FLI1: variants seen among roughly 807,000 people sequenced by gnomAD.
The protein encoded by FLI1 is Fli-1 proto-oncogene, ETS transcription factor.
A neutral mutation model predicts 53.1 loss-of-function variants in FLI1; 13 were observed. The ratio of observed to expected loss-of-function variants is 0.24; its 90% CI spans 0.16 to 0.39. The LOEUF is 0.39. Among genes scored for constraint, FLI1 ranks in the 10% least tolerant of loss-of-function variants. The pLI, the probability that FLI1 is intolerant of heterozygous loss-of-function variation, is 1.00. For missense variants in FLI1, 424 were observed against 600.5 expected (o/e 0.71, Z 3.07); for synonymous variants, 244 against 236.7 (o/e 1.03, Z -0.28).
intron 1 of FLI1, among the ~76,000 whole-genome samples, chr11:128,738,385 A>G (rs1456323516): frequency 6.6e-6 from 1 of 152,166 alleles, no homozygotes; most frequent in Non-Finnish European, 1.5e-5. Context: ...CCTTTCTCTC[A>G]TTACTCAAAT....
At chr11:128,784,220 TCTCCTC>T (rs61050928) in intron 5 of FLI1, among the ~76,000 whole-genome samples, 15,077 of 117,618 alleles carry the variant, frequency 0.13, 1,402 homozygotes, top group Non-Finnish European at 0.18. Context: ...TTGCTAACCA[TCTCCTC>T]CTCCTCCTCC....
intron 1 of FLI1, among the ~76,000 whole-genome samples, chr11:128,705,448 G>A (rs532019): frequency 0.4 from 60,893 of 152,002 alleles, 12,333 homozygotes; most frequent in Admixed American, 0.43. Flanking sequence ...TTGTACCTTC[G>A]TTCTTTCTTC....
chr11:128,729,602 C>G (rs1939615323), intron 1 of FLI1, among the ~76,000 whole-genome samples: 1 of 152,210 alleles, frequency 6.6e-6, no homozygotes, highest in Admixed American at 6.5e-5. Flanking sequence ...ACTCAGGACT[C>G]AGGACAACTG....
At chr11:128,720,736 G>A (rs1027996140) in intron 1 of FLI1, among the ~76,000 whole-genome samples, 4 of 152,200 alleles carry the variant, frequency 2.6e-5, no homozygotes, top group Admixed American at 2.0e-4. Flanking sequence ...CTTTTCTTCC[G>A]TTGTCAGACT....
intron 1 of FLI1, among the ~76,000 whole-genome samples, chr11:128,713,492 T>C (rs1938873769): frequency 6.6e-6 from 1 of 152,286 alleles, no homozygotes; most frequent in Middle Eastern, 3.4e-3. Flanking sequence ...CCATTTGTCC[T>C]CAAGTCCTCA....
intron 1 of FLI1, among the ~76,000 whole-genome samples, chr11:128,733,834 T>G (rs971546595): frequency 2.6e-5 from 4 of 152,192 alleles, no homozygotes; most frequent in African/African-American, 9.7e-5. Flanking sequence ...GAGAGGCACA[T>G]GTTGATGCAT....
intron 5 of FLI1, among the ~76,000 whole-genome samples, chr11:128,788,400 C>G (rs571059750): frequency 2.6e-5 from 4 of 152,000 alleles, no homozygotes; most frequent in Non-Finnish European, 5.9e-5. Flanking sequence ...ACCCGGGAGG[C>G]GGAGGTTGCA....
intron 1 of FLI1, among the ~76,000 whole-genome samples, chr11:128,723,038 C>T (rs1400959886): frequency 2.0e-5 from 3 of 152,052 alleles, no homozygotes; most frequent in African/African-American, 7.2e-5. Context: ...TGTGTATCTG[C>T]GTGGTAGAAA....
intron 1 of FLI1, among the ~76,000 whole-genome samples, chr11:128,734,285 C>G (rs747058805): frequency 6.6e-6 from 1 of 152,226 alleles, no homozygotes; most frequent in African/African-American, 2.4e-5. Flanking sequence ...TCCACGTCCA[C>G]AGTGCTCTGA....
At chr11:128,787,391 C>T (rs555156793) in intron 5 of FLI1, among the ~76,000 whole-genome samples, 12 of 152,240 alleles carry the variant, frequency 7.9e-5, no homozygotes, top group South Asian at 4.2e-4. Context: ...GACTCAAGTC[C>T]GGGCCTTTGG....
chr11:128,752,919 C>T (rs1429225758), intron 1 of FLI1, among the ~76,000 whole-genome samples: 1 of 152,204 alleles, frequency 6.6e-6, no homozygotes, highest in Non-Finnish European at 1.5e-5. Flanking sequence ...TTACTGGTAG[C>T]AGGCCCCAGC....
At chr11:128,700,683 G>A (rs1938289454) in intron 1 of FLI1, among the ~76,000 whole-genome samples, 2 of 152,202 alleles carry the variant, frequency 1.3e-5, no homozygotes, top group South Asian at 4.1e-4. Context: ...AGACCAGACT[G>A]GGCAACATGG....
At chr11:128,725,328 C>T (rs907564570) in intron 1 of FLI1, among the ~76,000 whole-genome samples, 8 of 152,356 alleles carry the variant, frequency 5.3e-5, no homozygotes, top group Non-Finnish European at 7.3e-5. Context: ...CTCCAACCTG[C>T]ACATGTCAGT....
At chr11:128,703,944 G>A (rs910012407) in intron 1 of FLI1, among the ~76,000 whole-genome samples, 5 of 151,374 alleles carry the variant, frequency 3.3e-5, no homozygotes, top group South Asian at 2.1e-4. Context: ...TGCTGGTCCC[G>A]GTGACTTTAA....
At chr11:128,777,655 T>C (rs912743843) in intron 4 of FLI1, among the ~76,000 whole-genome samples, 1 of 152,208 alleles carries the variant, frequency 6.6e-6, no homozygotes, top group Non-Finnish European at 1.5e-5. Context: ...GCCAGGATTG[T>C]TGTTTAAAGA....
chr11:128,773,789 C>A (rs1228385571), intron 4 of FLI1, among the ~76,000 whole-genome samples: 1 of 151,700 alleles, frequency 6.6e-6, no homozygotes, highest in Non-Finnish European at 1.5e-5. Context: ...AATATCAGTG[C>A]TACCCCTAAG....
intron 1 of FLI1, among the ~76,000 whole-genome samples, chr11:128,699,029 T>C (rs1488799320): frequency 6.6e-6 from 1 of 152,148 alleles, no homozygotes; most frequent in Non-Finnish European, 1.5e-5. Context: ...CTTCTACAGA[T>C]CATGGGCAGG....
chr11:128,801,653 G>A lies in FLI1; in HGVS notation c.656-3713G>A, dbSNP rs146454935. 1.1e-4 allele frequency among the ~76,000 whole-genome samples: 16 copies of A among 152,288 alleles called. No homozygotes were observed. The East Asian group carries it at 1.4e-3, about 13-fold the overall frequency. ...ATCTTTTGCCTGGAGGCTTAATTTC[G>A]TGAAGAAGTCAGGGTAGGAGCACTG... On this transcript the variant is annotated intron_variant, in intron 5 of 8. Coordinates refer to ENST00000527786, the MANE Select transcript of FLI1 (RefSeq NM_002017.5).
At chr11:128,688,816 C>T (rs565144428) in intron 1 of FLI1, among the ~76,000 whole-genome samples, 3 of 152,282 alleles carry the variant, frequency 2.0e-5, no homozygotes, top group African/African-American at 7.2e-5. Context: ...ATAACCGCAA[C>T]GACATTCATA....
Sources: gnomAD v4.1 joint callset for allele counts (sites outside exome capture counted in the v4.1 genomes callset) on GRCh38, gnomAD v4.1.1 for gene constraint, MANE v1.5 for transcripts, NCBI Gene and HGNC (gene_info 2026-07-23, HGNC 2026-07-21) for gene names.